The following SRSF11 variants were observed in gnomAD, a reference collection of about 807,000 sequenced individuals.
SRSF11 encodes the protein serine/arginine-rich splicing factor 11.
In SRSF11, 9 loss-of-function variants were observed where a neutral mutation model predicts 56.0. The observed-to-expected ratio is 0.16, with a 90% CI of 0.10 to 0.28. SRSF11 has a LOEUF of 0.28. Among genes scored for constraint, SRSF11 ranks in the 10% least tolerant of loss-of-function variants. The pLI is 1.00. For synonymous variants in SRSF11, 222 were observed against 215.3 expected (o/e 1.03, Z -0.27); for missense variants, 421 against 600.7 (o/e 0.70, Z 3.13).
rs773640805 is a variant in SRSF11, at chr1:70,250,429, A to G, written c.1183A>G (p.Thr395Ala). The change falls in exon 11 of 12, where the codon ACA becomes GCA. Residue 395 changes from threonine (T) to alanine (A), a missense_variant. Transcript: ENST00000370949. ...ERSRDERERS[T>A]SKKKKSKDKE... Reference sequence around the variant, plus strand: ...AAGTAGGGATGAAAGAGAACGATCAACAAGCAAGAAGAAGAAGAGTAAAGA... The same window carrying G: ...AAGTAGGGATGAAAGAGAACGATCAGCAAGCAAGAAGAAGAAGAGTAAAGA... 3.8e-6 allele frequency: 6 copies of G among 1,595,068 alleles called. No individual in the cohort carries two copies. The African/African-American group carries it at 6.7e-5, about 18-fold the overall frequency.
intron 8 of SRSF11, among the ~76,000 whole-genome samples, chr1:70,245,825 A>G (rs1389007407): frequency 6.6e-6 from 1 of 152,190 alleles, no homozygotes; most frequent in Non-Finnish European, 1.5e-5. Flanking sequence ...AGGCAACTGG[A>G]ATGAGTTGAA....
intron 2 of SRSF11, 140 bp downstream of exon 2, chr1:70,228,695 T>C: frequency 7.4e-7 from 1 of 1,342,822 alleles, no homozygotes; most frequent in Non-Finnish European, 9.6e-7. Flanking sequence ...TCCGTAATTT[T>C]TGCTTGCAGA....
At chr1:70,221,866 C>G in intron 1 of SRSF11, 27 bp downstream of exon 1, 1 of 1,612,546 alleles carries the variant, frequency 6.2e-7, no homozygotes, top group South Asian at 1.1e-5. Flanking sequence ...ATCACTGTTC[C>G]TGCTAACGCC....
At chr1:70,231,533 C>T in intron 2 of SRSF11, 1 of 1,076,020 alleles carries the variant, frequency 9.3e-7, no homozygotes, top group South Asian at 2.8e-5. Context: ...GTTAGCATGG[C>T]ACATGGCGAA....
chr1:70,220,618 G>A (rs1670443984), upstream of SRSF11, among the ~76,000 whole-genome samples: 1 of 152,212 alleles, frequency 6.6e-6, no homozygotes, highest in Admixed American at 6.5e-5. Flanking sequence ...GGGAGGCCAA[G>A]GCGGGTGGAT....
chr1:70,210,251 C>A (rs2100453262), intron 1 of SRSF11, among the ~76,000 whole-genome samples: 1 of 151,968 alleles, frequency 6.6e-6, no homozygotes, highest in Admixed American at 6.6e-5. Context: ...TTCAAGTGAT[C>A]CTTCTGCCTC....
intron 6 of SRSF11, among the ~76,000 whole-genome samples, chr1:70,238,872 C>T (rs768130037): frequency 1.3e-5 from 2 of 152,090 alleles, no homozygotes; most frequent in Admixed American, 1.3e-4. Flanking sequence ...GTAAAATAGG[C>T]AAAGGAACCT....
intron 2 of SRSF11, chr1:70,231,792 ATAT>A (rs1186680652): frequency 1.5e-6 from 2 of 1,345,720 alleles, no homozygotes; most frequent in Non-Finnish European, 2.0e-6. Flanking sequence ...TAACTGTACC[ATAT>A]TATTAACCCC....
intron 1 of SRSF11, among the ~76,000 whole-genome samples, chr1:70,216,264 G>C (rs765393629): frequency 6.6e-6 from 1 of 151,816 alleles, no homozygotes; most frequent in Non-Finnish European, 1.5e-5. Context: ...CCAATATCAC[G>C]CACCAGTTAA....
intron 7 of SRSF11, among the ~76,000 whole-genome samples, chr1:70,240,862 G>A (rs61785279): frequency 0.041 from 5,846 of 143,126 alleles, 170 homozygotes; most frequent in South Asian, 0.13. Context: ...CACAACTTCC[G>A]CCTCCTGAGT....
At chr1:70,234,608 A>T in intron 3 of SRSF11, 88 bp from the exon 4 acceptor site, 1 of 1,052,094 alleles carries the variant, frequency 9.5e-7, no homozygotes. Context: ...TCAAGTTGTT[A>T]TCTGACCCTT....
chr1:70,232,996 A>G (rs189747151), intron 3 of SRSF11, among the ~76,000 whole-genome samples: 64 of 152,334 alleles, frequency 4.2e-4, no homozygotes, highest in African/African-American at 1.5e-3. Context: ...ATGAGCCTCA[A>G]CTGGAAATTT....
chr1:70,244,931 G>A (rs1460097441), intron 8 of SRSF11, 116 bp downstream of exon 8: 3 of 931,858 alleles, frequency 3.2e-6, no homozygotes, highest in East Asian at 2.7e-5. Flanking sequence ...CTAGACAGGG[G>A]AAGAAACTGT....
Position 70,235,557 on chromosome 1 carries a change from G to GT in SRSF11, c.590+13dup, listed in dbSNP as rs769059951. 1.9e-6 allele frequency: 3 copies of GT among 1,608,836 alleles called. No homozygotes were observed. Among genetic ancestry groups the GT allele is most frequent in the Admixed American group, 3.4e-5 (2 of 58,832 alleles). ...TGAGTACTGTTGATCCCAAGTAAGC[G>GT]TTTTTTCTTTGTTTTCATTGGTGAT... On this transcript the variant is annotated splice_region_variant and intron_variant, in intron 5 of 11. Transcript: ENST00000370949.
intron 4 of SRSF11, 127 bp downstream of exon 4, chr1:70,234,915 T>TC: frequency 5.9e-6 from 4 of 672,860 alleles, no homozygotes; most frequent in Non-Finnish European, 7.4e-6. Flanking sequence ...TTGTTTAAAC[T>TC]TGTCAGAGCT....
At chr1:70,248,048 G>A (rs759123468) in intron 9 of SRSF11, among the ~76,000 whole-genome samples, 10 of 152,134 alleles carry the variant, frequency 6.6e-5, no homozygotes, top group Non-Finnish European at 1.3e-4. Flanking sequence ...TGATTAGGAT[G>A]TGGAGAAATT....
chr1:70,244,550 T>C, intron 7 of SRSF11, 134 bp from the exon 8 acceptor site: 1 of 945,496 alleles, frequency 1.1e-6, no homozygotes, highest in Non-Finnish European at 1.5e-6. Context: ...GGCTAAATAA[T>C]AGCAAATGGA....
At chr1:70,209,751 T>TC (rs1669382756) in intron 1 of SRSF11, among the ~76,000 whole-genome samples, 1 of 106,346 alleles carries the variant, frequency 9.4e-6, no homozygotes, top group East Asian at 2.8e-4. Flanking sequence ...TTTTTTTTTT[T>TC]TTTTTTTTTT....
In SRSF11 at chr1:70,221,445, C is replaced by T. The variant is rs528876312; in HGVS notation, c.-192C>T. 17 of 803,248 alleles carry T rather than the reference C, an allele frequency of 2.1e-5. 2 individuals are homozygous for T. In the South Asian group the frequency reaches 2.8e-4, roughly 13 times the overall value. The allele number at this position is 803,248 out of a possible 1,614,324, so 49.8% of individuals were successfully genotyped here. ...TCTCGTGGTCTCGAGCTCGCGCGCT[C>T]TCATCCCCTCCCCCGCGGCGTGCGG... On this transcript the variant is annotated 5_prime_UTR_variant, in exon 1 of 12. Coordinates refer to ENST00000370949, the MANE Select transcript of SRSF11 (RefSeq NM_001350605.2).
Sources: allele counts gnomAD v4.1 joint callset (sites outside exome capture counted in the v4.1 genomes callset), GRCh38; gene constraint gnomAD v4.1.1; transcripts MANE v1.5; gene names NCBI Gene and HGNC (gene_info 2026-07-23, HGNC 2026-07-21).